Variants in NOTCH1 observed in about 807,000 individuals in gnomAD.
NOTCH1 encodes neurogenic locus notch homolog protein 1.
NOTCH1 carries 37 observed loss-of-function variants against 254.8 expected under a neutral mutation model. The observed-to-expected ratio is 0.15, with a 90% confidence interval of 0.11 to 0.19. The LOEUF is 0.19. NOTCH1 is among the 10% of genes least tolerant of loss of function. NOTCH1 has a pLI of 1.00. For synonymous variants in NOTCH1, 1,731 were observed against 1,618.1 expected, an observed-to-expected ratio of 1.07 and a Z score of -1.68; for missense variants, 2,972 against 3,708.6, an observed-to-expected ratio of 0.80 and a Z score of 5.16.
chr9:136,544,565 A>C (rs1156923879), intron 1 of NOTCH1, among the ~76,000 whole-genome samples: 1 of 150,644 alleles, frequency 6.6e-6, no homozygotes, highest in Non-Finnish European at 1.5e-5. Context: ...GGACGGGGGG[A>C]GGGGGGGTGG....
intron 8 of NOTCH1, 21 bp from the exon 9 acceptor site, chr9:136,517,406 G>A: frequency 1.3e-6 from 2 of 1,514,384 alleles, no homozygotes; most frequent in East Asian, 2.4e-5. Context: ...GGGCAACAGT[G>A]AGGGGGGCAC....
intron 4 of NOTCH1, 61 bp from the exon 5 acceptor site, chr9:136,519,626 C>G: frequency 6.2e-7 from 1 of 1,610,178 alleles, no homozygotes; most frequent in Non-Finnish European, 8.5e-7. Context: ...CCTGCCTGGA[C>G]CCCCGACACA....
At chr9:136,538,734 C>T (rs1843690352) in intron 2 of NOTCH1, among the ~76,000 whole-genome samples, 1 of 152,248 alleles carries the variant, frequency 6.6e-6, no homozygotes, top group Non-Finnish European at 1.5e-5. Context: ...CACCTGTGCG[C>T]TGGGGATGAA....
In NOTCH1 at chr9:136,506,829, C is replaced by T. The variant is rs377594681; in HGVS notation, c.3788G>A (p.Arg1263His). ...GCACTCGTTGACATCCCCCTCACAG[C>T]GCTCACCCACGAAGCCCGGCGGGCA... ...CTCPPGFVGE[R>H]CEGDVNECLS... is the part of the protein sequence containing the mutation. The change falls in exon 23 of 34, where the codon CGC becomes CAC. Residue 1263 changes from arginine to histidine, a missense_variant. Arg to His is a conservative substitution (Grantham distance 29, BLOSUM62 0). Transcript: ENST00000651671. This position sits in a 1 kb window ranked among gnomAD's most constrained non-coding sequence, Gnocchi z 4.5. 6.7e-5 allele frequency: 108 copies of T among 1,612,090 alleles called. No homozygotes were observed. The highest frequency in any genetic ancestry group is 7.6e-5 in the Non-Finnish European group (90 of 1,179,652).
At chr9:136,511,650 G>A (rs1046707863) in intron 15 of NOTCH1, among the ~76,000 whole-genome samples, 9 of 152,200 alleles carry the variant, frequency 5.9e-5, no homozygotes, top group African/African-American at 1.4e-4. Flanking sequence ...CACCCCGGAC[G>A]CAAGCCCCCT....
rs779496246 is a variant in NOTCH1 at position 136,506,514 on chromosome 9, C to A, written c.4014+13G>T. 35 of 1,575,182 alleles carry A rather than the reference C, an allele frequency of 2.2e-5. 1 individual carries two copies. In the South Asian group the frequency reaches 3.5e-4, roughly 16 times the overall value. On this transcript the variant is annotated intron_variant, in intron 24 of 33. Coordinates refer to ENST00000651671, the MANE Select transcript of NOTCH1 (RefSeq NM_017617.5). This position sits in a 1 kb window ranked among gnomAD's most constrained non-coding sequence, Gnocchi z 4.5. Reference sequence around the variant, plus strand: ...CCTGGCGGGCCCCTGCCTCCCTGCACCCCTGCACCTACCGCAGGGCACTTG... The same window carrying A: ...CCTGGCGGGCCCCTGCCTCCCTGCAACCCTGCACCTACCGCAGGGCACTTG...
intron 15 of NOTCH1, 75 bp downstream of exon 15, chr9:136,512,928 CTCTCCAGCACAGGCTCCG>C: frequency 5.0e-6 from 2 of 398,620 alleles, no homozygotes; most frequent in Non-Finnish European, 9.3e-6. Context: ...TGGCCCCACC[CTCTCCAGCACAGGCTCCG>C]CCCTCTCCAG....
rs1843211077 is a variant in NOTCH1 at position 136,513,199 on chromosome 9, A to G, written c.2354-65T>C. ...CCAGGCACCTTGGCAGGGCCCCACA[A>G]CAGCAGCCCTGGGCCTGCTCCCCAC... On this transcript the variant is annotated intron_variant, in intron 14 of 33. Transcript: ENST00000651671. The surrounding 1 kb of genome is among the most constrained non-coding windows in gnomAD (Gnocchi z 4.7). The G allele has an allele frequency of 6.8e-7, 1 of 1,468,490 alleles. No individual in the cohort carries two copies. Among genetic ancestry groups the G allele is most frequent in the African/African-American group, 1.4e-5 (1 of 71,598 alleles). The allele number at this position is 1,468,490 out of a possible 1,614,324, so 91.0% of individuals were successfully genotyped here.
At position 136,545,864 on chromosome 9, in the gene NOTCH1, G is replaced by T; in HGVS notation, c.-78C>A. The stretch of plus-strand genomic sequence containing the variant: ...GGCGGGGCTGGGACGCACACGCGCG[G>T]CGTACGGTCCCGGGGCGGCGGCGGA... On this transcript the variant is annotated 5_prime_UTR_variant, in exon 1 of 34. Coordinates refer to ENST00000651671, the MANE Select transcript of NOTCH1 (RefSeq NM_017617.5). This position sits in a 1 kb window ranked among gnomAD's most constrained non-coding sequence, Gnocchi z 6.8. The T allele has an allele frequency of 1.3e-6, 1 of 765,730 alleles. No homozygotes were observed. The highest frequency in any genetic ancestry group is 1.7e-6 in the Non-Finnish European group (1 of 589,628). The allele number at this position is 765,730 out of a possible 1,614,324, so 47.4% of individuals were successfully genotyped here. A position where few individuals can be genotyped will look rare whatever the true frequency, so the allele number is the denominator to read the frequency against.
rs770744889 is a variant in NOTCH1, at chr9:136,508,423, C to T, written c.3172-38G>A. ...TGGGGTCAGCTGGGTGCCCGCGCCC[C>T]GGCCATTTCCCCGGTAGCTCAGAAC... On this transcript the variant is annotated intron_variant, in intron 19 of 33. Coordinates refer to ENST00000651671, the MANE Select transcript of NOTCH1 (RefSeq NM_017617.5). 198 of 1,612,432 alleles carry T rather than the reference C, an allele frequency of 1.2e-4. 3 individuals are homozygous for T. Among genetic ancestry groups the T allele is most frequent in the South Asian group, 6.0e-4 (55 of 91,070 alleles).
intron 12 of NOTCH1, 51 bp downstream of exon 12, chr9:136,515,239 C>T (rs2133362109): frequency 5.1e-6 from 8 of 1,568,786 alleles, no homozygotes; most frequent in Non-Finnish European, 7.0e-6. Flanking sequence ...GAGTGGCTGA[C>T]CTTGACCTCT....
rs773097159 is a variant in NOTCH1, at chr9:136,505,128, G to A, written c.4587-24C>T. The A allele has an allele frequency of 2.4e-5, 38 of 1,601,770 alleles. 2 individuals carry two copies. Among genetic ancestry groups the A allele is most frequent in the South Asian group, 2.3e-4 (21 of 90,554 alleles). The stretch of plus-strand genomic sequence containing the variant: ...GGCTGTGGGGGGCGGGACACGCTCA[G>A]GCCGCCTTCCTCGGGGGGCCTCGCA... On this transcript the variant is annotated intron_variant, in intron 25 of 33. Transcript: ENST00000651671.
At chr9:136,544,918 T>A (rs1843791003) in intron 1 of NOTCH1, among the ~76,000 whole-genome samples, 1 of 151,088 alleles carries the variant, frequency 6.6e-6, no homozygotes, top group South Asian at 2.1e-4. Flanking sequence ...GGGAGGGGGG[T>A]GTGACACAGA....
At chr9:136,512,806 T>A (rs566082895) in intron 15 of NOTCH1, among the ~76,000 whole-genome samples, 1 of 152,114 alleles carries the variant, frequency 6.6e-6, no homozygotes, top group South Asian at 2.1e-4. Context: ...AAGGCCCACA[T>A]ACTGCAGGGG....
At position 136,505,876 on chromosome 9, in the gene NOTCH1, G is replaced by T. The variant is rs1241964591; in HGVS notation, c.4020C>A (p.Phe1340Leu). ...RGFICKCPAG[F>L]EGATCENDAR... ...CGTCATTCTCACACGTGGCGCCCTC[G>T]AAGCCCTGCCCGAGAGGGAAGACAG... Residue 1340 changes from phenylalanine (F) to leucine (L), a missense_variant, in exon 25 of 34, where the codon TTC becomes TTA. Phe to Leu is a conservative substitution (Grantham distance 22). Coordinates refer to ENST00000651671, the MANE Select transcript of NOTCH1 (RefSeq NM_017617.5). 1 of 1,588,762 alleles carries T rather than the reference G, an allele frequency of 6.3e-7. No homozygotes were observed. The highest frequency in any genetic ancestry group is 8.5e-7 in the Non-Finnish European group (1 of 1,176,060).
At chr9:136,503,024 G>T in intron 27 of NOTCH1, 158 bp downstream of exon 27, 1 of 1,065,458 alleles carries the variant, frequency 9.4e-7, no homozygotes, top group Non-Finnish European at 1.4e-6. Context: ...TGGGGGCGGA[G>T]TGCCATTCAG....
At chr9:136,517,977 C>T (rs2133369239) in intron 7 of NOTCH1, 40 bp from the exon 8 acceptor site, 5 of 1,600,784 alleles carry the variant, frequency 3.1e-6, no homozygotes, top group Non-Finnish European at 4.2e-6. Context: ...TCCAGGCACC[C>T]TGGCCCCTGC....
At chr9:136,521,851 C>T (rs962835642) in intron 4 of NOTCH1, among the ~76,000 whole-genome samples, 1 of 152,192 alleles carries the variant, frequency 6.6e-6, no homozygotes, top group Admixed American at 6.5e-5. Context: ...AGCCCTTGGG[C>T]CACCCGTGGG....
chr9:136,505,471 G>A lies in NOTCH1; in HGVS notation c.4425C>T (p.Asp1475=), dbSNP rs371948072. ...LQCNNHACGW[D]GGDCSLNFND... ...TGAAGTTGAGGGAGCAGTCACCGCC[G>A]TCCCAGCCGCACGCGTGGTTGTTGC... The change falls in exon 25 of 34, where the codon GAC becomes GAT. Residue 1475 remains aspartate, a synonymous_variant. Coordinates refer to ENST00000651671, the MANE Select transcript of NOTCH1 (RefSeq NM_017617.5). 20 of 1,612,718 alleles carry A rather than the reference G, an allele frequency of 1.2e-5. No individual in the cohort carries two copies. The highest frequency in any genetic ancestry group is 4.5e-5 in the East Asian group (2 of 44,896).
Sources: allele counts gnomAD v4.1 joint callset (sites outside exome capture counted in the v4.1 genomes callset), GRCh38; gene constraint gnomAD v4.1.1; non-coding constraint Gnocchi (gnomAD v3.1); transcripts MANE v1.5; gene names NCBI Gene and HGNC (gene_info 2026-07-23, HGNC 2026-07-21).